Variants in CENPW observed in about 807,000 individuals in gnomAD.
CENPW encodes the protein cancer-up-regulated gene 2 protein.
CENPW carries 3 observed loss-of-function variants against 11.1 expected under a neutral mutation model. That is an observed-to-expected ratio of 0.27 (90% CI 0.12 to 0.70). The LOEUF (loss-of-function observed/expected upper bound fraction) is 0.70. Ranked by LOEUF, CENPW falls within the 30% of genes least tolerant of loss-of-function variation. The pLI, the probability that CENPW is intolerant of heterozygous loss-of-function variation, is 0.77. For missense variants in CENPW, 100 were observed against 105.6 expected (o/e 0.95, Z 0.23); for synonymous variants, 38 against 42.0 (o/e 0.91, Z 0.37).
chr6:126,352,101 G>A (rs1780498191), downstream of CENPW, among the ~76,000 whole-genome samples: 1 of 152,064 alleles, frequency 6.6e-6, no homozygotes, highest in African/African-American at 2.4e-5. Flanking sequence ...CCATGCTTCC[G>A]AGAACAACTG....
At chr6:126,380,284 C>A in the CENPW span, among the ~76,000 whole-genome samples, 1 of 151,270 alleles carries the variant, frequency 6.6e-6, no homozygotes, top group Non-Finnish European at 1.5e-5. Context: ...TAATGGGAAC[C>A]AAAGTCCAAG....
the CENPW span, among the ~76,000 whole-genome samples, chr6:126,360,293 C>T: frequency 2.0e-5 from 3 of 152,044 alleles, no homozygotes; most frequent in East Asian, 5.8e-4. Context: ...GAGAGTTCCA[C>T]TGCTAGCTTG....
chr6:126,461,505 C>T, the CENPW span, among the ~76,000 whole-genome samples: 1 of 151,874 alleles, frequency 6.6e-6, no homozygotes, highest in Non-Finnish European at 1.5e-5. Context: ...ACTTTGGAGT[C>T]AGACAGAATT....
At chr6:126,437,295 A>G in the CENPW span, among the ~76,000 whole-genome samples, 19 of 152,046 alleles carry the variant, frequency 1.2e-4, no homozygotes, top group African/African-American at 4.6e-4. Flanking sequence ...ATATTTCTCA[A>G]AATTAATCTT....
chr6:126,414,288 T>C, the CENPW span, among the ~76,000 whole-genome samples: 2 of 152,112 alleles, frequency 1.3e-5, no homozygotes, highest in East Asian at 3.8e-4. Flanking sequence ...AAACATTGGA[T>C]TTAAACTTCA....
the CENPW span, among the ~76,000 whole-genome samples, chr6:126,450,582 C>A: frequency 1.3e-5 from 2 of 150,806 alleles, no homozygotes; most frequent in African/African-American, 4.9e-5. Context: ...TTTTAGATAT[C>A]CTTTGCTTTT....
downstream of CENPW, among the ~76,000 whole-genome samples, chr6:126,353,469 C>T (rs1780514464): frequency 6.6e-6 from 1 of 151,824 alleles, no homozygotes; most frequent in Admixed American, 6.6e-5. Flanking sequence ...GGTAATATGT[C>T]TTTTTTAAAA....
downstream of CENPW, among the ~76,000 whole-genome samples, chr6:126,351,149 A>AGTGTGTGTGT (rs71024750): frequency 1.9e-4 from 28 of 147,084 alleles, no homozygotes; most frequent in East Asian, 1.2e-3. Flanking sequence ...AGAGAGAGTG[A>AGTGTGTGTGT]GTGTGTGTGT....
At chr6:126,388,629 A>C in the CENPW span, among the ~76,000 whole-genome samples, 1 of 151,968 alleles carries the variant, frequency 6.6e-6, no homozygotes, top group Non-Finnish European at 1.5e-5. Flanking sequence ...GTCTGAGAGA[A>C]TGCATGGGAC....
chr6:126,349,576 T>A (rs1780467504), downstream of CENPW, among the ~76,000 whole-genome samples: 1 of 152,096 alleles, frequency 6.6e-6, no homozygotes, highest in East Asian at 1.9e-4. Flanking sequence ...GGGCATTGGA[T>A]TTTTTTCACT....
the CENPW span, among the ~76,000 whole-genome samples, chr6:126,474,674 G>T: frequency 6.6e-6 from 1 of 152,014 alleles, no homozygotes; most frequent in Non-Finnish European, 1.5e-5. Context: ...ACTTTATAAT[G>T]TAAATCATAT....
At chr6:126,358,637 G>C in the CENPW span, among the ~76,000 whole-genome samples, 1 of 152,116 alleles carries the variant, frequency 6.6e-6, no homozygotes, top group African/African-American at 2.4e-5. Flanking sequence ...TTTTGCATCT[G>C]TGTTCATCAG....
chr6:126,375,138 C>T, the CENPW span, among the ~76,000 whole-genome samples: 1 of 152,136 alleles, frequency 6.6e-6, no homozygotes, highest in African/African-American at 2.4e-5. Context: ...ATATGAGAAG[C>T]CAGCTTTGAG....
chr6:126,363,084 A>G, the CENPW span, among the ~76,000 whole-genome samples: 1 of 152,272 alleles, frequency 6.6e-6, no homozygotes, highest in African/African-American at 2.4e-5. Flanking sequence ...CTGTTTCTTT[A>G]ATGAACAACA....
chr6:126,396,217 A>T, the CENPW span, among the ~76,000 whole-genome samples: 1 of 152,062 alleles, frequency 6.6e-6, no homozygotes, highest in Non-Finnish European at 1.5e-5. Context: ...TGGTGTTCTA[A>T]GCTACCATGA....
chr6:126,379,566 G>A, the CENPW span, among the ~76,000 whole-genome samples: 2 of 152,130 alleles, frequency 1.3e-5, no homozygotes, highest in Non-Finnish European at 1.5e-5. Flanking sequence ...ACCTACACTG[G>A]TTTATTCCAA....
At chr6:126,374,263 A>G in the CENPW span, among the ~76,000 whole-genome samples, 9 of 152,220 alleles carry the variant, frequency 5.9e-5, no homozygotes, top group Non-Finnish European at 2.9e-5. Context: ...ATGAAATTGC[A>G]TAGGAAATAG....
At chr6:126,384,549 G>A in the CENPW span, among the ~76,000 whole-genome samples, 3 of 152,052 alleles carry the variant, frequency 2.0e-5, no homozygotes, top group African/African-American at 4.8e-5. Context: ...TTCAATAAAT[G>A]TGCTGGGATA....
chr6:126,401,635 C>T, the CENPW span, among the ~76,000 whole-genome samples: 22 of 152,038 alleles, frequency 1.4e-4, no homozygotes, highest in African/African-American at 4.3e-4. Flanking sequence ...TGTTGCCCTT[C>T]TCTCAGTGGC....
Sources: gnomAD v4.1 joint callset for allele counts (sites outside exome capture counted in the v4.1 genomes callset) on GRCh38, gnomAD v4.1.1 for gene constraint, MANE v1.5 for transcripts, NCBI Gene and HGNC (gene_info 2026-07-23, HGNC 2026-07-21) for gene names.